The following MYO9A variants were observed in gnomAD, a reference collection of about 807,000 sequenced individuals.
MYO9A encodes the protein myosin IXA.
A neutral mutation model predicts 293.3 loss-of-function variants in MYO9A; 103 were observed. The observed-to-expected ratio is 0.35, with a 90% confidence interval of 0.30 to 0.41. MYO9A has a LOEUF of 0.41. MYO9A is among the 10% of genes least tolerant of loss of function. The pLI, the probability that MYO9A is intolerant of heterozygous loss-of-function variation, is 1.00. For synonymous variants in MYO9A, 1,001 were observed against 1,035.7 expected, an observed-to-expected ratio of 0.97 and a Z score of 0.64; for missense variants, 2,685 against 3,033.0, an observed-to-expected ratio of 0.89 and a Z score of 2.69.
chr15:71,982,897 T>C (rs2076311197), intron 11 of MYO9A, among the ~76,000 whole-genome samples: 2 of 152,228 alleles, frequency 1.3e-5, no homozygotes, highest in Non-Finnish European at 1.5e-5. Context: ...TGCTAAAGGG[T>C]AACATTATTA....
At chr15:72,050,780 T>TCTA (rs2149778760) in intron 1 of MYO9A, among the ~76,000 whole-genome samples, 1 of 152,316 alleles carries the variant, frequency 6.6e-6, no homozygotes, top group Non-Finnish European at 1.5e-5. Flanking sequence ...GAACTCACTT[T>TCTA]CTACTCCCTT....
At chr15:71,976,568 C>T (rs755748409) in intron 12 of MYO9A, among the ~76,000 whole-genome samples, 3 of 152,128 alleles carry the variant, frequency 2.0e-5, no homozygotes, top group African/African-American at 4.8e-5. Context: ...GTTCTCAACA[C>T]GGAATATCAA....
At chr15:71,954,271 G>A (rs956593446) in intron 14 of MYO9A, among the ~76,000 whole-genome samples, 2 of 151,986 alleles carry the variant, frequency 1.3e-5, no homozygotes, top group East Asian at 1.9e-4. Context: ...TGCGATCTCC[G>A]CTCACTGTAA....
rs1258402939 is a variant in MYO9A, at chr15:72,100,869, TG to T, written c.-72+16810del. 1.8e-3 allele frequency among the ~76,000 whole-genome samples: 187 copies of T among 105,326 alleles called. 3 individuals are homozygous for T. In the East Asian group the frequency reaches 0.045, roughly 25 times the overall value. The allele number at this position is 105,326 out of a possible 152,430, so 69.1% of individuals were successfully genotyped here. On this transcript the variant is annotated intron_variant, in intron 1 of 41. Transcript: ENST00000356056. Reference sequence around the variant, plus strand: ...CCAGCCGCCCCGTCCGGGAGGGAGGTGGGGGGGGTCAGCCCCCCGCCGGCCA... The same window carrying T: ...CCAGCCGCCCCGTCCGGGAGGGAGGTGGGGGGGTCAGCCCCCCGCCGGCCA...
Position 71,999,813 on chromosome 15 carries a change from G to A in MYO9A, c.1470+38C>T, listed in dbSNP as rs754981364. The A allele has an allele frequency of 3.2e-6, 5 of 1,542,742 alleles. No homozygotes were observed. In the South Asian group the frequency reaches 5.7e-5, roughly 18 times the overall value. On this transcript the variant is annotated intron_variant, in intron 9 of 41. Coordinates refer to ENST00000356056, the MANE Select transcript of MYO9A (RefSeq NM_006901.4). ...ACTTCAAACCTAAACTTCTAACAAT[G>A]TCCAGAATGCTTTCATTTCAAAGAA...
At chr15:72,079,637 T>C (rs571410496) in intron 1 of MYO9A, among the ~76,000 whole-genome samples, 1 of 152,244 alleles carries the variant, frequency 6.6e-6, no homozygotes, top group Non-Finnish European at 1.5e-5. Context: ...ACGAACACTA[T>C]GGAAAACCAA....
At chr15:71,915,971 G>GT (rs1432397128) in intron 19 of MYO9A, among the ~76,000 whole-genome samples, 1 of 151,566 alleles carries the variant, frequency 6.6e-6, no homozygotes, top group Non-Finnish European at 1.5e-5. Context: ...TAAATACACA[G>GT]GAAAAAAACC....
intron 9 of MYO9A, 130 bp downstream of exon 9, chr15:71,999,721 G>C (rs191052393): frequency 5.0e-6 from 3 of 604,678 alleles, no homozygotes; most frequent in Non-Finnish European, 8.5e-6. Flanking sequence ...AAATGTAAAG[G>C]CCTAGAAAAT....
chr15:72,032,382 T>C lies in MYO9A; in HGVS notation c.935+112A>G, dbSNP rs961256241. The C allele has an allele frequency of 4.5e-5, 30 of 668,752 alleles. No individual in the cohort carries two copies. In the African/African-American group the frequency reaches 5.1e-4, roughly 11 times the overall value. 41.4% of individuals were successfully genotyped at this position (668,752 alleles called of 1,614,324 possible). On this transcript the variant is annotated intron_variant, in intron 3 of 41. Coordinates refer to ENST00000356056, the MANE Select transcript of MYO9A (RefSeq NM_006901.4). ...ACTAAAAAAAGTTGACAGGGAAGAA[T>C]TTTAATGCTGACACCAATGTCTGGG...
At chr15:71,895,865 C>G (rs1256506804) in intron 25 of MYO9A, among the ~76,000 whole-genome samples, 1 of 152,024 alleles carries the variant, frequency 6.6e-6, no homozygotes, top group Non-Finnish European at 1.5e-5. Flanking sequence ...AAAACAAATT[C>G]ATGGATCCAA....
chr15:71,981,710 C>T (rs964520692), intron 11 of MYO9A, among the ~76,000 whole-genome samples: 3 of 151,516 alleles, frequency 2.0e-5, no homozygotes, highest in African/African-American at 7.3e-5. Context: ...ATTATTAGCC[C>T]TTTCAAAGTA....
intron 19 of MYO9A, among the ~76,000 whole-genome samples, chr15:71,908,031 CTGA>C (rs1211677292): frequency 6.6e-6 from 1 of 152,108 alleles, no homozygotes; most frequent in African/African-American, 2.4e-5. Flanking sequence ...TGCCTATGTC[CTGA>C]ATGGTAATGC....
intron 10 of MYO9A, among the ~76,000 whole-genome samples, chr15:71,993,135 G>A (rs553388414): frequency 6.6e-5 from 10 of 152,238 alleles, no homozygotes; most frequent in Admixed American, 5.2e-4. Flanking sequence ...CAGGTCACTT[G>A]AGGTCAGGTG....
chr15:72,062,612 T>C (rs1230027183), intron 1 of MYO9A, among the ~76,000 whole-genome samples: 1 of 152,014 alleles, frequency 6.6e-6, no homozygotes, highest in Non-Finnish European at 1.5e-5. Flanking sequence ...GGAGAAACAA[T>C]TAATGAGCTT....
chr15:71,904,511 G>A (rs1208148962), intron 20 of MYO9A, among the ~76,000 whole-genome samples: 1 of 152,144 alleles, frequency 6.6e-6, no homozygotes, highest in Non-Finnish European at 1.5e-5. Flanking sequence ...AAATTAGCCG[G>A]GCGTGGTGGT....
At chr15:71,993,006 C>T (rs2076583783) in intron 10 of MYO9A, among the ~76,000 whole-genome samples, 1 of 151,862 alleles carries the variant, frequency 6.6e-6, no homozygotes, top group African/African-American at 2.4e-5. Context: ...AAAATAATTG[C>T]AATATATATC....
At chr15:71,850,765 C>CAAAAAAAAAAAAAAAAAAAAAA (rs780727961) in intron 37 of MYO9A, among the ~76,000 whole-genome samples, 2 of 44,142 alleles carry the variant, frequency 4.5e-5, no homozygotes, top group African/African-American at 1.0e-4. Flanking sequence ...AACTGTGTCT[C>CAAAAAAAAAAAAAAAAAAAAAA]AAAAAAAAAA....
chr15:71,892,852 T>C, intron 26 of MYO9A: 2 of 593,304 alleles, frequency 3.4e-6, no homozygotes, highest in Non-Finnish European at 4.8e-6. Flanking sequence ...TCACTGAGGT[T>C]TCCCATGCAC....
chr15:71,930,637 T>C (rs2058449846), intron 18 of MYO9A, among the ~76,000 whole-genome samples: 1 of 152,196 alleles, frequency 6.6e-6, no homozygotes, highest in Non-Finnish European at 1.5e-5. Context: ...GAGTCTCTCT[T>C]TTTTTAATGC....
Sources: allele counts gnomAD v4.1 joint callset (sites outside exome capture counted in the v4.1 genomes callset), GRCh38; gene constraint gnomAD v4.1.1; transcripts MANE v1.5; gene names NCBI Gene and HGNC (gene_info 2026-07-23, HGNC 2026-07-21).